Variants in SCFD2 observed in about 807,000 individuals in gnomAD.
SCFD2 encodes the protein sec1 family domain containing 2.
A neutral mutation model predicts 58.9 loss-of-function variants in SCFD2; 54 were observed. The ratio of observed to expected loss-of-function variants is 0.92; its 90% CI spans 0.74 to 1.15. SCFD2 has a LOEUF of 1.15. SCFD2 is among the 50% of genes most tolerant of loss of function. The pLI, the probability that SCFD2 is intolerant of heterozygous loss-of-function variation, is 0.00. For synonymous variants in SCFD2, 321 were observed against 335.9 expected (o/e 0.96, Z 0.49); for missense variants, 805 against 836.6 (o/e 0.96, Z 0.47).
At chr4:53,185,311 A>C (rs1038191456) in intron 4 of SCFD2, among the ~76,000 whole-genome samples, 4 of 152,126 alleles carry the variant, frequency 2.6e-5, no homozygotes, top group Non-Finnish European at 4.4e-5. Flanking sequence ...GGAAACCAAG[A>C]ATGGCACCCT....
intron 3 of SCFD2, among the ~76,000 whole-genome samples, chr4:53,295,174 G>A (rs1731983011): frequency 6.6e-6 from 1 of 152,074 alleles, no homozygotes; most frequent in Non-Finnish European, 1.5e-5. Flanking sequence ...CCAATTCTGT[G>A]AAGAAAGTCA....
rs377032816 is a variant in SCFD2 at position 53,084,611 on chromosome 4, A to G, written c.1561+60722T>C. Reference sequence around the variant, plus strand: ...GGAACTGATAAATGTCCATATTAATATGAAATCTTCACAATTTATGTTCCT... The same window carrying G: ...GGAACTGATAAATGTCCATATTAATGTGAAATCTTCACAATTTATGTTCCT... On this transcript the variant is annotated intron_variant, in intron 5 of 8. Coordinates refer to ENST00000401642, the MANE Select transcript of SCFD2 (RefSeq NM_152540.4). 3.1e-3 allele frequency among the ~76,000 whole-genome samples: 477 copies of G among 152,318 alleles called. 1 individual carries two copies. The highest frequency in any genetic ancestry group is 0.011 in the African/African-American group (443 of 41,584).
At chr4:53,165,487 C>A (rs1726979499) in intron 4 of SCFD2, among the ~76,000 whole-genome samples, 1 of 152,162 alleles carries the variant, frequency 6.6e-6, no homozygotes, top group African/African-American at 2.4e-5. Flanking sequence ...CCACTCCTTG[C>A]ACTGACTTGC....
intron 4 of SCFD2, among the ~76,000 whole-genome samples, chr4:53,162,135 C>T (rs930660661): frequency 6.6e-6 from 1 of 152,114 alleles, no homozygotes; most frequent in Non-Finnish European, 1.5e-5. Context: ...TATCTAAAAA[C>T]CTGCTTATTT....
chr4:53,214,974 G>A (rs1174142170), intron 4 of SCFD2, among the ~76,000 whole-genome samples: 16 of 152,048 alleles, frequency 1.1e-4, no homozygotes, highest in South Asian at 4.2e-4. Context: ...GATATGCGGC[G>A]TTATTTCTGA....
chr4:53,143,982 ACATGAATGCCTT>A (rs1726243764), intron 5 of SCFD2, among the ~76,000 whole-genome samples: 1 of 152,182 alleles, frequency 6.6e-6, no homozygotes, highest in Non-Finnish European at 1.5e-5. Context: ...ATACAAAATA[ACATGAATGCCTT>A]CATGAGTTAT....
At chr4:52,900,469 C>T (rs963268426) in intron 7 of SCFD2, among the ~76,000 whole-genome samples, 6 of 152,144 alleles carry the variant, frequency 3.9e-5, no homozygotes, top group Non-Finnish European at 7.4e-5. Flanking sequence ...ATTGGTGAAC[C>T]GCAAATGCTG....
intron 4 of SCFD2, among the ~76,000 whole-genome samples, chr4:53,231,558 A>G (rs1729440724): frequency 6.6e-6 from 1 of 152,154 alleles, no homozygotes; most frequent in Non-Finnish European, 1.5e-5. Context: ...TCAGAAACAC[A>G]CTCAATTATT....
chr4:53,209,639 ACT>A (rs749760772), intron 4 of SCFD2, among the ~76,000 whole-genome samples: 50 of 152,096 alleles, frequency 3.3e-4, no homozygotes, highest in Non-Finnish European at 5.7e-4. Context: ...ATTGCTAGAC[ACT>A]GTGTTAAGAG....
intron 4 of SCFD2, among the ~76,000 whole-genome samples, chr4:53,200,356 T>TCAC (rs1577833344): frequency 6.6e-6 from 1 of 151,842 alleles, no homozygotes; most frequent in African/African-American, 2.4e-5. Flanking sequence ...ACCTCCAAAC[T>TCAC]CACCACCACC....
chr4:53,057,762 G>A (rs532010331), intron 5 of SCFD2, among the ~76,000 whole-genome samples: 2 of 152,186 alleles, frequency 1.3e-5, no homozygotes, highest in African/African-American at 4.8e-5. Flanking sequence ...TTCAAGATAG[G>A]GAGGGAGAAT....
At chr4:53,091,550 G>C (rs1184766999) in intron 5 of SCFD2, among the ~76,000 whole-genome samples, 3 of 152,024 alleles carry the variant, frequency 2.0e-5, no homozygotes, top group African/African-American at 4.8e-5. Flanking sequence ...TGACCCTCCA[G>C]GGATATCTAC....
intron 4 of SCFD2, among the ~76,000 whole-genome samples, chr4:53,249,545 C>A (rs1001567363): frequency 6.6e-6 from 1 of 152,142 alleles, no homozygotes; most frequent in African/African-American, 2.4e-5. Flanking sequence ...ATGTTAAGGG[C>A]AGCCAGAGAG....
chr4:52,919,149 G>A (rs1420232208), intron 6 of SCFD2, among the ~76,000 whole-genome samples: 7 of 152,162 alleles, frequency 4.6e-5, no homozygotes, highest in Admixed American at 3.9e-4. Flanking sequence ...TCCTTATCAC[G>A]TGCAAGATAT....
At chr4:53,354,203 C>T (rs1322046946) in intron 1 of SCFD2, among the ~76,000 whole-genome samples, 5 of 152,230 alleles carry the variant, frequency 3.3e-5, no homozygotes, top group Admixed American at 6.5e-5. Context: ...TCGGGCATGG[C>T]GGGCTGCAGG....
chr4:52,967,229 T>G (rs1205892310), intron 5 of SCFD2, among the ~76,000 whole-genome samples: 1 of 152,200 alleles, frequency 6.6e-6, no homozygotes. Context: ...CTTTCTACCA[T>G]GGTCTCACTC....
chr4:53,334,126 A>G (rs1198438502), intron 2 of SCFD2, among the ~76,000 whole-genome samples: 3 of 152,096 alleles, frequency 2.0e-5, no homozygotes, highest in Admixed American at 6.6e-5. Context: ...GATGTGGAGA[A>G]ATAGGAACAC....
intron 5 of SCFD2, among the ~76,000 whole-genome samples, chr4:53,084,557 G>C (rs1399582096): frequency 6.6e-6 from 1 of 152,160 alleles, no homozygotes; most frequent in Non-Finnish European, 1.5e-5. Flanking sequence ...ATTAAAGACA[G>C]GCATAAGAAA....
chr4:53,363,826 CAAAAA>C (rs754101699), intron 1 of SCFD2, among the ~76,000 whole-genome samples: 1 of 107,224 alleles, frequency 9.3e-6, no homozygotes, highest in Non-Finnish European at 1.8e-5. Context: ...GACTCCGTCT[CAAAAA>C]AAAAAAAAAA....
Sources: allele counts gnomAD v4.1 joint callset (sites outside exome capture counted in the v4.1 genomes callset), GRCh38; gene constraint gnomAD v4.1.1; transcripts MANE v1.5; gene names NCBI Gene and HGNC (gene_info 2026-07-23, HGNC 2026-07-21).